ZMYM1: variants seen among roughly 807,000 people sequenced by gnomAD.
ZMYM1 encodes zinc finger MYM-type containing 1.
Under a neutral mutation model 60.0 loss-of-function variants are expected in ZMYM1, and 39 were observed. That is an observed-to-expected ratio of 0.65 (90% CI 0.50 to 0.85). The LOEUF is 0.85. ZMYM1 is among the 40% of genes least tolerant of loss of function. ZMYM1 has a pLI of 0.00. For synonymous variants in ZMYM1, 413 were observed against 454.0 expected (o/e 0.91, Z 1.15); for missense variants, 1,171 against 1,309.5 (o/e 0.89, Z 1.63).
intron 6 of ZMYM1, among the ~76,000 whole-genome samples, chr1:35,109,095 C>T (rs547151918): frequency 1.1e-4 from 16 of 152,142 alleles, no homozygotes; most frequent in Admixed American, 5.9e-4. Context: ...TCTCGGCTCA[C>T]TGCAACCTCT....
At position 35,097,211 on chromosome 1, in the gene ZMYM1, C is replaced by A. The variant is rs575099954; in HGVS notation, c.170-106C>A. The stretch of plus-strand genomic sequence containing the variant: ...CTGCCTAGAGTGCAAAAGAGGGCAA[C>A]AGAACAAGACCCTGTCTCTAAAAAA... On this transcript the variant is annotated intron_variant, in intron 3 of 9. Transcript: ENST00000359858. 4.1e-5 allele frequency: 55 copies of A among 1,327,358 alleles called. No homozygotes were observed. The African/African-American group carries it at 8.0e-4, about 19-fold the overall frequency. The allele number at this position is 1,327,358 out of a possible 1,614,324, so 82.2% of individuals were successfully genotyped here.
chr1:35,105,109 ATTTAT>A (rs141549474), intron 6 of ZMYM1, among the ~76,000 whole-genome samples: 2 of 128,452 alleles, frequency 1.6e-5, no homozygotes, highest in African/African-American at 5.7e-5. Flanking sequence ...ATTTTTATGT[ATTTAT>A]TTTATTTCTT....
intron 6 of ZMYM1, among the ~76,000 whole-genome samples, chr1:35,109,922 AT>A (rs930472023): frequency 5.9e-5 from 9 of 151,924 alleles, no homozygotes; most frequent in African/African-American, 2.2e-4. Context: ...AATTTTTTGT[AT>A]TTTTAGTAGA....
chr1:35,094,200 G>A (rs1268060061), intron 2 of ZMYM1, 117 bp downstream of exon 2: 1 of 761,098 alleles, frequency 1.3e-6, no homozygotes, highest in Non-Finnish European at 2.0e-6. Context: ...CTCCAAAGCA[G>A]TTAATTAAAT....
chr1:35,109,292 A>C (rs940504840), intron 6 of ZMYM1, among the ~76,000 whole-genome samples: 4 of 152,170 alleles, frequency 2.6e-5, no homozygotes, highest in African/African-American at 9.7e-5. Flanking sequence ...TCAACCTCTG[A>C]AAGTTGAGAT....
chr1:35,098,236 T>C (rs913371580), intron 4 of ZMYM1, among the ~76,000 whole-genome samples: 1 of 152,180 alleles, frequency 6.6e-6, no homozygotes, highest in Non-Finnish European at 1.5e-5. Flanking sequence ...ATATTTCTTT[T>C]ATAATGGTAA....
upstream of ZMYM1, among the ~76,000 whole-genome samples, chr1:35,077,414 C>T (rs940466046): frequency 6.6e-6 from 1 of 152,174 alleles, no homozygotes; most frequent in Non-Finnish European, 1.5e-5. Context: ...ACAGCCCTTT[C>T]CCAAAACAAA....
At chr1:35,109,197 T>TTTTA (rs1483455267) in intron 6 of ZMYM1, among the ~76,000 whole-genome samples, 1 of 151,936 alleles carries the variant, frequency 6.6e-6, no homozygotes, top group African/African-American at 2.4e-5. Context: ...AATTTTTTAT[T>TTTTA]TTTATTTATT....
intron 2 of ZMYM1, among the ~76,000 whole-genome samples, chr1:35,095,543 A>G (rs543806153): frequency 2.0e-5 from 3 of 152,056 alleles, no homozygotes; most frequent in South Asian, 4.1e-4. Flanking sequence ...TTGTAATTCA[A>G]TATGTCTGCT....
In ZMYM1 at chr1:35,097,440, A is replaced by C; in HGVS notation, c.293A>C (p.Lys98Thr). 6.2e-7 allele frequency: 1 copy of C among 1,614,188 alleles called. No homozygotes were observed. Among genetic ancestry groups the C allele is most frequent in the Non-Finnish European group, 8.5e-7 (1 of 1,180,028 alleles). ...GCTGGTTGTAAAAAAATTCTCCAGA[A>C]GGGGCAAACTGCTTATCAGAGGAAA... ...SCAGCKKILQ[K>T]GQTAYQRKGS... is the part of the protein sequence containing the mutation. The change falls in exon 4 of 10, where the codon AAG (lysine) becomes ACG (threonine). Residue 98 changes from lysine to threonine, a missense_variant. Coordinates refer to ENST00000359858, the MANE Select transcript of ZMYM1 (RefSeq NM_024772.5).
chr1:35,068,419 A>AG (rs1300003912), intron 1 of ZMYM1, among the ~76,000 whole-genome samples: 1 of 108,546 alleles, frequency 9.2e-6, no homozygotes, highest in African/African-American at 8.6e-5. Context: ...ACTCTGCCTC[A>AG]AAAAAAAAAA....
intron 4 of ZMYM1, 62 bp downstream of exon 4, chr1:35,097,628 G>A (rs745343130): frequency 6.3e-7 from 1 of 1,575,280 alleles, no homozygotes; most frequent in Non-Finnish European, 8.7e-7. Context: ...CATAGTCTTA[G>A]TTGTAATTTC....
At chr1:35,092,723 G>A (rs1045162549) in intron 1 of ZMYM1, among the ~76,000 whole-genome samples, 2 of 151,882 alleles carry the variant, frequency 1.3e-5, no homozygotes, top group African/African-American at 4.8e-5. Flanking sequence ...TGCCTCCCGG[G>A]TTCAAGCTAT....
At chr1:35,068,627 G>A (rs1329393810) in intron 1 of ZMYM1, among the ~76,000 whole-genome samples, 7 of 141,876 alleles carry the variant, frequency 4.9e-5, no homozygotes, top group African/African-American at 1.9e-4. Flanking sequence ...GGAACAACTG[G>A]AAATCCATAC....
At chr1:35,076,789 G>T (rs966278869), upstream of ZMYM1, among the ~76,000 whole-genome samples, 1 of 151,870 alleles carries the variant, frequency 6.6e-6, no homozygotes, top group Non-Finnish European at 1.5e-5. Flanking sequence ...AAAATTAGCT[G>T]GGCATGATGG....
chr1:35,064,630 AATAACAGAAAG>A (rs1423457573), intron 1 of ZMYM1, among the ~76,000 whole-genome samples: 6 of 151,906 alleles, frequency 3.9e-5, no homozygotes, highest in Admixed American at 1.3e-4. Flanking sequence ...ATGAGAAATC[AATAACAGAAAG>A]ATAACAGGAA....
intron 3 of ZMYM1, among the ~76,000 whole-genome samples, 177 bp downstream of exon 3, chr1:35,096,068 A>C (rs1425140724): frequency 6.6e-6 from 1 of 152,084 alleles, no homozygotes; most frequent in Non-Finnish European, 1.5e-5. Context: ...TAATCCCAGC[A>C]CTTTGGGAGG....
chr1:35,079,020 A>G (rs1207218827), upstream of ZMYM1: 1 of 151,608 alleles, frequency 6.6e-6, no homozygotes, highest in Admixed American at 6.6e-5. Flanking sequence ...CCTAATGTTT[A>G]CAAACCTACG....
At chr1:35,084,354 T>A (rs1264936086) in intron 1 of ZMYM1, among the ~76,000 whole-genome samples, 1 of 152,228 alleles carries the variant, frequency 6.6e-6, no homozygotes, top group African/African-American at 2.4e-5. Context: ...AAATTCCTCT[T>A]AGTCCATAAA....
Sources: gnomAD v4.1 joint callset for allele counts (sites outside exome capture counted in the v4.1 genomes callset) on GRCh38, gnomAD v4.1.1 for gene constraint, MANE v1.5 for transcripts, NCBI Gene and HGNC (gene_info 2026-07-23, HGNC 2026-07-21) for gene names.